CDH12: variants seen among roughly 807,000 people sequenced by gnomAD.
CDH12 encodes the protein cadherin 12.
A neutral mutation model predicts 74.1 loss-of-function variants in CDH12; 41 were observed. That is an observed-to-expected ratio of 0.55 (90% CI 0.43 to 0.72). CDH12 has a LOEUF of 0.72. CDH12 is among the 30% of genes least tolerant of loss of function. The pLI is 0.00. For missense variants in CDH12, 945 were observed against 977.2 expected, an observed-to-expected ratio of 0.97 and a Z score of 0.44; for synonymous variants, 399 against 355.0, an observed-to-expected ratio of 1.12 and a Z score of -1.39.
rs556286501 is a variant in CDH12, at chr5:22,338,295, T to A, written c.-333+66962A>T. 3.9e-5 allele frequency among the ~76,000 whole-genome samples: 6 copies of A among 152,238 alleles called. No homozygotes were observed. In the South Asian group the frequency reaches 1.2e-3, roughly 32 times the overall value. ...ACAACATGGATAGAACTGGAGGTGA[T>A]TATATTAGGTGAAATAAGCTGGTTA... On this transcript the variant is annotated intron_variant, in intron 3 of 14. Coordinates refer to ENST00000382254, the MANE Select transcript of CDH12 (RefSeq NM_004061.5).
intron 1 of CDH12, among the ~76,000 whole-genome samples, chr5:22,684,606 G>T (rs964275468): frequency 3.9e-5 from 6 of 152,190 alleles, no homozygotes; most frequent in African/African-American, 1.2e-4. Flanking sequence ...GTTTTCAAAC[G>T]CGTAGGAGAA....
chr5:22,379,366 A>C (rs980459160), intron 3 of CDH12, among the ~76,000 whole-genome samples: 3 of 152,186 alleles, frequency 2.0e-5, no homozygotes, highest in African/African-American at 7.2e-5. Flanking sequence ...TACCTAGAAA[A>C]CAAATGATAG....
intron 1 of CDH12, among the ~76,000 whole-genome samples, chr5:22,828,685 T>A (rs1170011043): frequency 6.6e-6 from 1 of 152,172 alleles, no homozygotes; most frequent in East Asian, 1.9e-4. Context: ...CTTGCATGGA[T>A]GGATATCATG....
intron 1 of CDH12, among the ~76,000 whole-genome samples, chr5:22,514,014 C>A (rs1217782358): frequency 2.7e-5 from 4 of 147,406 alleles, no homozygotes; most frequent in Non-Finnish European, 4.5e-5. Context: ...AAAGTAGATA[C>A]ATTTTTAAGT....
intron 1 of CDH12, among the ~76,000 whole-genome samples, chr5:22,808,605 CTTTTTT>C (rs34567315): frequency 1.8e-5 from 2 of 111,470 alleles, no homozygotes; most frequent in Admixed American, 1.9e-4. Context: ...CTTTTCTTGT[CTTTTTT>C]TTTTTTTTTT....
chr5:21,760,702 G>A, intron 12 of CDH12, 27 bp from the exon 13 acceptor site: 1 of 1,355,848 alleles, frequency 7.4e-7, no homozygotes. Flanking sequence ...ATTAAAGTCG[G>A]TCATCAGTTT....
At chr5:22,293,276 C>T (rs1737479496) in intron 3 of CDH12, among the ~76,000 whole-genome samples, 1 of 152,106 alleles carries the variant, frequency 6.6e-6, no homozygotes, top group East Asian at 1.9e-4. Flanking sequence ...AAAACCCCTA[C>T]CCTCCTTTGT....
rs143361106 is a variant in CDH12 at position 22,549,707 on chromosome 5, G to T, written c.-522-44343C>A. On this transcript the variant is annotated intron_variant, in intron 1 of 14. Coordinates refer to ENST00000382254, the MANE Select transcript of CDH12 (RefSeq NM_004061.5). ...CATAATTTGTACTGTTCTTGTTGGT[G>T]TCATGGTTAATCTAAAAACCAAGGA... Among the ~76,000 whole-genome samples the T allele has an allele frequency of 6.5e-3, 992 of 152,240 alleles. 4 individuals carry two copies. Among genetic ancestry groups the T allele is most frequent in the Middle Eastern group, 0.02 (6 of 294 alleles).
intron 2 of CDH12, among the ~76,000 whole-genome samples, chr5:22,452,220 T>C (rs1745072214): frequency 2.6e-5 from 4 of 151,686 alleles, no homozygotes; most frequent in African/African-American, 7.3e-5. Flanking sequence ...TAGAAAAATA[T>C]CCAAAAATTT....
intron 1 of CDH12, among the ~76,000 whole-genome samples, chr5:22,774,921 A>T (rs1747007904): frequency 6.6e-6 from 1 of 152,002 alleles, no homozygotes; most frequent in Non-Finnish European, 1.5e-5. Context: ...TTGCATCTCA[A>T]ATCTCAGTGT....
chr5:22,556,070 T>A (rs938748773), intron 1 of CDH12, among the ~76,000 whole-genome samples: 8 of 151,804 alleles, frequency 5.3e-5, no homozygotes, highest in South Asian at 2.1e-4. Context: ...AAAAAAAAAA[T>A]TTCAAAGAAT....
chr5:21,883,841 G>A lies in CDH12; in HGVS notation c.527-29051C>T. 8 of 1,605,640 alleles carry A rather than the reference G, an allele frequency of 5.0e-6. 1 individual carries two copies. Among genetic ancestry groups the A allele is most frequent in the Middle Eastern group, 1.7e-4 (1 of 6,032 alleles). On this transcript the variant is annotated intron_variant, in intron 6 of 14. Transcript: ENST00000382254. ...CAAGTGATGTTGAAGTGAATGAAAA[G>A]AAAGACAGAGTTACAGATGCCCTTA...
At chr5:22,214,187 A>G (rs2150364642) in intron 3 of CDH12, among the ~76,000 whole-genome samples, 1 of 152,254 alleles carries the variant, frequency 6.6e-6, no homozygotes, top group African/African-American at 2.4e-5. Flanking sequence ...GCTGTTACTA[A>G]GGCAGGTACT....
chr5:22,413,645 T>C (rs1430160651), intron 2 of CDH12, among the ~76,000 whole-genome samples: 1 of 152,042 alleles, frequency 6.6e-6, no homozygotes, highest in East Asian at 1.9e-4. Context: ...AAAATAGCTA[T>C]GGCATATGGG....
At chr5:21,880,516 T>C (rs1752203638) in intron 6 of CDH12, among the ~76,000 whole-genome samples, 1 of 131,320 alleles carries the variant, frequency 7.6e-6, no homozygotes, top group Non-Finnish European at 1.7e-5. Context: ...CCTCCCTCCC[T>C]CTTTTCTTTC....
At chr5:22,470,563 C>T (rs1055281898) in intron 2 of CDH12, among the ~76,000 whole-genome samples, 9 of 151,918 alleles carry the variant, frequency 5.9e-5, no homozygotes, top group African/African-American at 1.7e-4. Flanking sequence ...GGACTACAGG[C>T]ACATGCCACC....
intron 1 of CDH12, among the ~76,000 whole-genome samples, chr5:22,793,753 GTT>G (rs11343348): frequency 7.2e-6 from 1 of 138,476 alleles, no homozygotes. Flanking sequence ...CTCTTTAACT[GTT>G]TTTTTTTTTT....
At chr5:22,058,862 C>A (rs1740955721) in intron 5 of CDH12, among the ~76,000 whole-genome samples, 7 of 152,022 alleles carry the variant, frequency 4.6e-5, no homozygotes, top group South Asian at 2.1e-4. Flanking sequence ...CATCTTTGAT[C>A]TCACTTTTAT....
chr5:22,168,138 T>C (rs1237843350), intron 4 of CDH12, among the ~76,000 whole-genome samples: 3 of 152,138 alleles, frequency 2.0e-5, no homozygotes, highest in African/African-American at 7.2e-5. Context: ...TGTACCGATA[T>C]CATCTTTGTC....
Sources: allele counts gnomAD v4.1 joint callset (sites outside exome capture counted in the v4.1 genomes callset), GRCh38; gene constraint gnomAD v4.1.1; transcripts MANE v1.5; gene names NCBI Gene and HGNC (gene_info 2026-07-23, HGNC 2026-07-21).